Variants in GDA observed in about 807,000 individuals in gnomAD.
GDA encodes the protein guanine deaminase, also known as cytoplasmic PSD-95 interactor.
In GDA, 18 loss-of-function variants were observed where a neutral mutation model predicts 59.6. The ratio of observed to expected loss-of-function variants is 0.30; its 90% CI spans 0.21 to 0.45. GDA has a LOEUF of 0.45. Among genes scored for constraint, GDA ranks in the 20% least tolerant of loss-of-function variants. The pLI is 1.00. For synonymous variants in GDA, 201 were observed against 201.1 expected, an observed-to-expected ratio of 1.00 and a Z score of 0.00; for missense variants, 427 against 552.3, an observed-to-expected ratio of 0.77 and a Z score of 2.27.
intron 5 of GDA, among the ~76,000 whole-genome samples, chr9:72,214,381 T>C (rs1435932802): frequency 6.6e-6 from 1 of 151,596 alleles, no homozygotes; most frequent in African/African-American, 2.4e-5. Flanking sequence ...CTGCAACCTC[T>C]GCCTCCTGGG....
intron 1 of GDA, among the ~76,000 whole-genome samples, chr9:72,186,488 A>T (rs916959940): frequency 2.0e-5 from 3 of 152,058 alleles, no homozygotes; most frequent in Non-Finnish European, 4.4e-5. Context: ...ATCACACTCC[A>T]CATTTTAGTC....
chr9:72,237,549 A>C (rs1201397478), intron 10 of GDA, among the ~76,000 whole-genome samples: 1 of 152,136 alleles, frequency 6.6e-6, no homozygotes, highest in Non-Finnish European at 1.5e-5. Flanking sequence ...TGCCATCCAC[A>C]ACCATGGCTT....
chr9:72,151,648 C>T (rs1179891031), intron 1 of GDA, among the ~76,000 whole-genome samples: 6 of 150,712 alleles, frequency 4.0e-5, no homozygotes, highest in East Asian at 1.9e-4. Context: ...CGCTCTGTCA[C>T]CCAGGCTGGA....
intron 5 of GDA, among the ~76,000 whole-genome samples, chr9:72,218,899 G>T (rs1836490299): frequency 2.0e-5 from 3 of 152,034 alleles, no homozygotes; most frequent in Admixed American, 2.0e-4. Context: ...GAGTGCTGTG[G>T]GAATATTTGA....
intron 1 of GDA, among the ~76,000 whole-genome samples, chr9:72,154,174 C>G (rs1484416432): frequency 6.6e-6 from 1 of 152,042 alleles, no homozygotes. Context: ...GAGGTTGTGT[C>G]CTGGGGTGGC....
At chr9:72,255,175 C>T (rs1840856525), downstream of GDA, among the ~76,000 whole-genome samples, 2 of 152,164 alleles carry the variant, frequency 1.3e-5, no homozygotes, top group African/African-American at 4.8e-5. Context: ...GAGTTCTTGG[C>T]AGCTGTATTT....
chr9:72,202,423 A>G, intron 2 of GDA, 148 bp from the exon 3 acceptor site: 1 of 580,272 alleles, frequency 1.7e-6, no homozygotes. Context: ...CCTCTAAATA[A>G]TTGGAGAATT....
At chr9:72,118,331 T>C (rs1825541095) in intron 1 of GDA, among the ~76,000 whole-genome samples, 1 of 145,618 alleles carries the variant, frequency 6.9e-6, no homozygotes, top group Non-Finnish European at 1.5e-5. Context: ...GAAAGAAAAT[T>C]AATTCCTTAC....
At chr9:72,194,577 T>C (rs928947801) in intron 1 of GDA, among the ~76,000 whole-genome samples, 1 of 152,072 alleles carries the variant, frequency 6.6e-6, no homozygotes, top group African/African-American at 2.4e-5. Flanking sequence ...GGCCTGGAGT[T>C]AGGGGAGGGG....
chr9:72,249,776 C>G lies in GDA; in HGVS notation c.*1434C>G. 2.3e-6 allele frequency: 2 copies of G among 863,812 alleles called. No homozygotes were observed. Among genetic ancestry groups the G allele is most frequent in the Non-Finnish European group, 2.8e-6 (2 of 719,238 alleles). The allele number at this position is 863,812 out of a possible 1,614,324, so 53.5% of individuals were successfully genotyped here. On this transcript the variant is annotated 3_prime_UTR_variant, in exon 14 of 14. Transcript: ENST00000358399. ...TCATTCCTAGAGCTTAGGGGTGACTCTTTAATATTACCTTATAGTAGAAAC... is the reference window on the plus strand; with the variant it reads ...TCATTCCTAGAGCTTAGGGGTGACTGTTTAATATTACCTTATAGTAGAAAC...
chr9:72,242,385 T>A (rs1839715099), intron 11 of GDA, among the ~76,000 whole-genome samples: 1 of 152,226 alleles, frequency 6.6e-6, no homozygotes, highest in Non-Finnish European at 1.5e-5. Flanking sequence ...TAAAAATTGG[T>A]CACTGTATTT....
intron 11 of GDA, among the ~76,000 whole-genome samples, chr9:72,242,312 T>C (rs1839703905): frequency 6.6e-6 from 1 of 152,236 alleles, no homozygotes; most frequent in African/African-American, 2.4e-5. Flanking sequence ...TTGGTTGATA[T>C]GCAAATATTG....
At chr9:72,185,712 T>A (rs1831783391) in intron 1 of GDA, among the ~76,000 whole-genome samples, 1 of 152,228 alleles carries the variant, frequency 6.6e-6, no homozygotes, top group Non-Finnish European at 1.5e-5. Flanking sequence ...CAAAGAGCAG[T>A]TTACTTTGTT....
At chr9:72,195,771 A>G (rs1833101430) in intron 2 of GDA, among the ~76,000 whole-genome samples, 183 bp downstream of exon 2, 1 of 152,180 alleles carries the variant, frequency 6.6e-6, no homozygotes, top group African/African-American at 2.4e-5. Flanking sequence ...GAAGGATGGA[A>G]ACTTAGAGAG....
chr9:72,121,212 G>C (rs1337455345), intron 1 of GDA, among the ~76,000 whole-genome samples: 1 of 152,124 alleles, frequency 6.6e-6, no homozygotes, highest in East Asian at 1.9e-4. Context: ...GCACATGAGG[G>C]AAATGAAACT....
At chr9:72,212,165 AGAT>A (rs1835454508) in intron 4 of GDA, among the ~76,000 whole-genome samples, 1 of 152,190 alleles carries the variant, frequency 6.6e-6, no homozygotes, top group Non-Finnish European at 1.5e-5. Flanking sequence ...AATTCCTCAC[AGAT>A]AATATTGGCA....
chr9:72,135,895 G>A (rs1408983546), intron 1 of GDA, among the ~76,000 whole-genome samples: 1 of 152,030 alleles, frequency 6.6e-6, no homozygotes, highest in Non-Finnish European at 1.5e-5. Context: ...ACAGGCATGA[G>A]CCACCACGCG....
chr9:72,227,067 G>A (rs2131616171), intron 8 of GDA, among the ~76,000 whole-genome samples: 1 of 152,230 alleles, frequency 6.6e-6, no homozygotes, highest in African/African-American at 2.4e-5. Context: ...GCAGAGAGTC[G>A]AGATTGCGCC....
At chr9:72,167,085 C>G (rs7868716) in intron 1 of GDA, among the ~76,000 whole-genome samples, 1 of 152,144 alleles carries the variant, frequency 6.6e-6, no homozygotes, top group East Asian at 1.9e-4. Context: ...TAGAAATTGA[C>G]GCTTTTGGTC....
Sources: allele counts gnomAD v4.1 joint callset (sites outside exome capture counted in the v4.1 genomes callset), GRCh38; gene constraint gnomAD v4.1.1; transcripts MANE v1.5; gene names NCBI Gene and HGNC (gene_info 2026-07-23, HGNC 2026-07-21).